Variants in NRG1 observed in about 807,000 individuals in gnomAD.
NRG1 encodes the protein pro-neuregulin-1, membrane-bound isoform.
In NRG1, 18 loss-of-function variants were observed where a neutral mutation model predicts 63.8. The ratio of observed to expected loss-of-function variants is 0.28; its 90% CI spans 0.19 to 0.42. NRG1 has a LOEUF of 0.42. NRG1 is among the 10% of genes least tolerant of loss of function. The probability of loss-of-function intolerance (pLI) is 1.00; values close to 1 mark genes in which losing one functional copy is unlikely to be tolerated. For missense variants in NRG1, 762 were observed against 814.7 expected, an observed-to-expected ratio of 0.94 and a Z score of 0.79; for synonymous variants, 302 against 301.3, an observed-to-expected ratio of 1.00 and a Z score of -0.02.
intron 1 of NRG1, among the ~76,000 whole-genome samples, chr8:32,293,884 AATTTTTGT>A (rs1854526699): frequency 1.3e-5 from 2 of 151,904 alleles, no homozygotes; most frequent in Non-Finnish European, 2.9e-5. Context: ...ATGCCCAGCT[AATTTTTGT>A]ATTTTTGTAG....
At position 31,873,146 on chromosome 8, in the gene NRG1, C is replaced by T. The variant is rs572581222; in HGVS notation, c.37+233715C>T. Among the ~76,000 whole-genome samples the T allele has an allele frequency of 7.2e-5, 11 of 152,132 alleles. No individual in the cohort carries two copies. The South Asian group carries it at 8.3e-4, about 11-fold the overall frequency. On this transcript the variant is annotated intron_variant, in intron 1 of 10. Coordinates refer to the NRG1 transcript ENST00000519301. ...ACTGTAAATATTTAGATTAGAGACA[C>T]GAAATAAGTTTTGGGAGTTGCAAGA...
chr8:32,272,210 G>A (rs1851620854), intron 1 of NRG1, among the ~76,000 whole-genome samples: 1 of 152,138 alleles, frequency 6.6e-6, no homozygotes, highest in Admixed American at 6.5e-5. Context: ...TGCATGGCGA[G>A]GGTTCTGGTG....
intron 1 of NRG1, among the ~76,000 whole-genome samples, chr8:31,841,742 CAACTGA>C (rs1241469624): frequency 2.0e-5 from 3 of 152,138 alleles, no homozygotes; most frequent in Admixed American, 2.0e-4. Context: ...CTGAGCTCCT[CAACTGA>C]TTTAAAAAAT....
chr8:32,475,608 C>T (rs1223580553), intron 1 of NRG1, among the ~76,000 whole-genome samples: 1 of 152,018 alleles, frequency 6.6e-6, no homozygotes, highest in Non-Finnish European at 1.5e-5. Flanking sequence ...AGTGGCATGA[C>T]CATAGCTCAC....
chr8:32,715,049 C>G (rs1440148507), intron 5 of NRG1, among the ~76,000 whole-genome samples: 1 of 152,006 alleles, frequency 6.6e-6, no homozygotes, highest in Non-Finnish European at 1.5e-5. Flanking sequence ...ACATGGCTCA[C>G]TTTAACTTTG....
At chr8:32,210,837 G>A (rs1383528515) in intron 1 of NRG1, among the ~76,000 whole-genome samples, 1 of 152,138 alleles carries the variant, frequency 6.6e-6, no homozygotes, top group East Asian at 1.9e-4. Flanking sequence ...AGCAGCCCAG[G>A]ACAAAACATT....
chr8:32,330,983 G>C (rs759188945), intron 1 of NRG1, among the ~76,000 whole-genome samples: 1 of 151,866 alleles, frequency 6.6e-6, no homozygotes, highest in African/African-American at 2.4e-5. Flanking sequence ...GTACTTTTCT[G>C]TCTGTTGAGG....
intron 1 of NRG1, among the ~76,000 whole-genome samples, chr8:32,550,128 A>C (rs1833849666): frequency 6.6e-6 from 1 of 152,206 alleles, no homozygotes; most frequent in African/African-American, 2.4e-5. Flanking sequence ...CAAAACAGAA[A>C]TTGAACAGAG....
At chr8:32,691,044 A>G (rs185638494) in intron 5 of NRG1, among the ~76,000 whole-genome samples, 1 of 151,868 alleles carries the variant, frequency 6.6e-6, no homozygotes, top group East Asian at 1.9e-4. Flanking sequence ...TTTCACTCAC[A>G]TTAAAAGGTG....
At chr8:32,323,551 G>T (rs1045219305) in intron 1 of NRG1, among the ~76,000 whole-genome samples, 1 of 152,176 alleles carries the variant, frequency 6.6e-6, no homozygotes, top group Admixed American at 6.6e-5. Flanking sequence ...AGCCAGCAAT[G>T]GTCCTGCAGG....
rs117320525 is a variant in NRG1, at chr8:32,499,652, C to T, written c.38-96176C>T. On this transcript the variant is annotated intron_variant, in intron 1 of 10. Transcript: ENST00000519301. ...TCACACCACTGCCCTCCAGCCTGGG[C>T]GACAGAGTGAGATCCTGTCTTAAAA... Among the ~76,000 whole-genome samples the T allele has an allele frequency of 5.7e-4, 87 of 152,014 alleles. No individual in the cohort carries two copies. The East Asian group carries it at 0.011, about 20-fold the overall frequency.
chr8:32,203,957 G>C (rs545780822), intron 1 of NRG1, among the ~76,000 whole-genome samples: 2 of 152,094 alleles, frequency 1.3e-5, no homozygotes, highest in Non-Finnish European at 2.9e-5. Context: ...GATACAAAAA[G>C]TGTAGCAATG....
At chr8:31,693,950 A>T (rs1368313553) in intron 1 of NRG1, among the ~76,000 whole-genome samples, 1 of 152,002 alleles carries the variant, frequency 6.6e-6, no homozygotes, top group Non-Finnish European at 1.5e-5. Flanking sequence ...CCATCCTCCC[A>T]CCTTAGACTC....
chr8:31,872,421 C>T lies in NRG1; in HGVS notation c.37+232990C>T, dbSNP rs370893126. ...TGAAAGTCTGACAATTACTTCCTCACGGCAGCCTTGTTTCAAGAGTAGGTC... is the reference window on the plus strand; with the variant it reads ...TGAAAGTCTGACAATTACTTCCTCATGGCAGCCTTGTTTCAAGAGTAGGTC... On this transcript the variant is annotated intron_variant, in intron 1 of 10. Coordinates refer to the NRG1 transcript ENST00000519301. 1.6e-4 allele frequency among the ~76,000 whole-genome samples: 25 copies of T among 152,206 alleles called. 1 individual carries two copies. Among genetic ancestry groups the T allele is most frequent in the African/African-American group, 4.3e-4 (18 of 41,534 alleles).
chr8:32,549,303 T>C (rs2129523613), intron 1 of NRG1, among the ~76,000 whole-genome samples: 2 of 152,162 alleles, frequency 1.3e-5, no homozygotes, highest in Admixed American at 1.3e-4. Context: ...AGCGCAGAAG[T>C]GGGTGGTCGA....
At chr8:32,048,987 G>A (rs1821549401) in intron 1 of NRG1, among the ~76,000 whole-genome samples, 1 of 152,054 alleles carries the variant, frequency 6.6e-6, no homozygotes, top group Admixed American at 6.6e-5. Flanking sequence ...TGGCTCCATG[G>A]TGGATTCTGG....
intron 1 of NRG1, among the ~76,000 whole-genome samples, chr8:32,007,010 C>T (rs906184052): frequency 6.6e-6 from 1 of 152,030 alleles, no homozygotes; most frequent in African/African-American, 2.4e-5. Flanking sequence ...GGATCCCATT[C>T]TGGTGTTTGA....
At chr8:32,023,479 G>A (rs1816767047) in intron 1 of NRG1, among the ~76,000 whole-genome samples, 2 of 152,228 alleles carry the variant, frequency 1.3e-5, no homozygotes, top group Admixed American at 6.5e-5. Context: ...CAGTTCATCT[G>A]TTCCACTTGC....
chr8:31,651,686 G>A (rs921631260), intron 1 of NRG1, among the ~76,000 whole-genome samples: 6 of 152,126 alleles, frequency 3.9e-5, no homozygotes, highest in African/African-American at 1.4e-4. Context: ...TGTCAAATGG[G>A]AATAATTTGA....
Sources: allele counts gnomAD v4.1 joint callset (sites outside exome capture counted in the v4.1 genomes callset), GRCh38; gene constraint gnomAD v4.1.1; transcripts MANE v1.5; gene names NCBI Gene and HGNC (gene_info 2026-07-23, HGNC 2026-07-21).